Variants in DLGAP3 observed in about 807,000 individuals in gnomAD.
DLGAP3 encodes the protein disks large-associated protein 3.
Under a neutral mutation model 81.2 loss-of-function variants are expected in DLGAP3, and 17 were observed. The observed-to-expected ratio is 0.21, with a 90% CI of 0.14 to 0.31. DLGAP3 has a LOEUF of 0.31. Among genes scored for constraint, DLGAP3 ranks in the 10% least tolerant of loss-of-function variants. The pLI, the probability that DLGAP3 is intolerant of heterozygous loss-of-function variation, is 1.00. For synonymous variants in DLGAP3, 577 were observed against 587.4 expected (o/e 0.98, Z 0.26); for missense variants, 1,124 against 1,388.0 (o/e 0.81, Z 3.02).
At chr1:34,892,387 G>A (rs1639325639) in intron 5 of DLGAP3, among the ~76,000 whole-genome samples, 1 of 152,168 alleles carries the variant, frequency 6.6e-6, no homozygotes, top group South Asian at 2.1e-4. Context: ...CCATGCATGT[G>A]ATGGGAGTTC....
chr1:34,880,198 T>A (rs138892872), intron 8 of DLGAP3, among the ~76,000 whole-genome samples: 1 of 152,062 alleles, frequency 6.6e-6, no homozygotes, highest in African/African-American at 2.4e-5. Flanking sequence ...GAACTACAGA[T>A]GCATGCCACC....
chr1:34,924,449 T>C (rs564803591), intron 1 of DLGAP3, among the ~76,000 whole-genome samples: 1 of 152,322 alleles, frequency 6.6e-6, no homozygotes, highest in South Asian at 2.1e-4. Flanking sequence ...CAGGACAGGC[T>C]TGCAGAATAT....
Position 34,868,309 on chromosome 1 carries a change from C to T in DLGAP3, c.2485+296G>A, listed in dbSNP as rs1355982225. Among the ~76,000 whole-genome samples, 1 of 152,222 alleles carries T rather than the reference C, an allele frequency of 6.6e-6. No individual in the cohort carries two copies. The highest frequency in any genetic ancestry group is 1.5e-5 in the Non-Finnish European group (1 of 68,044). ...ACGGAGTTCCCTTAGTCCCCATAAA[C>T]TTGGTGATTTGGACTAGCAGCCATC... is the stretch of plus-strand genomic sequence containing the variant. On this transcript the variant is annotated intron_variant, in intron 9 of 11. Coordinates refer to ENST00000373347, the MANE Select transcript of DLGAP3 (RefSeq NM_001080418.3). The surrounding 1 kb of genome is among the most constrained non-coding windows in gnomAD (Gnocchi z 7.5).
Position 34,905,537 on chromosome 1 carries a change from T to A in DLGAP3, c.-51-103A>T, listed in dbSNP as rs1639537578. ...TATCCCTTTAGGTAATACATATCAA[T>A]TTATTATGATTAATCACACTACCCT... On this transcript the variant is annotated intron_variant, in intron 2 of 11. Coordinates refer to ENST00000373347, the MANE Select transcript of DLGAP3 (RefSeq NM_001080418.3). The A allele has an allele frequency of 7.6e-6, 6 of 789,758 alleles. No individual in the cohort carries two copies. In the South Asian group the frequency reaches 1.2e-4, roughly 16 times the overall value. 48.9% of individuals were successfully genotyped at this position (789,758 alleles called of 1,614,324 possible).
chr1:34,879,024 A>G (rs1450780972), intron 8 of DLGAP3, among the ~76,000 whole-genome samples: 3 of 151,034 alleles, frequency 2.0e-5, no homozygotes, highest in Non-Finnish European at 4.4e-5. Context: ...GTGAGCCGAG[A>G]TCGCGCCACT....
rs868535122 is a variant in DLGAP3 at position 34,881,450 on chromosome 1, A to T, written c.2000+3528T>A. Among the ~76,000 whole-genome samples the T allele has an allele frequency of 2.0e-5, 3 of 152,252 alleles. No homozygotes were observed. The Middle Eastern group carries it at 0.01, about 518-fold the overall frequency. The stretch of plus-strand genomic sequence containing the variant: ...CAGGAAGTCTTTTTAAAAAGGATGG[A>T]CTGCATCCCTCTTCCTCTTTACTCC... On this transcript the variant is annotated intron_variant, in intron 8 of 11. Transcript: ENST00000373347.
At position 34,927,542 on chromosome 1, in the gene DLGAP3, G is replaced by A. The variant is rs371261986; in HGVS notation, c.-135+1909C>T. 7.9e-5 allele frequency among the ~76,000 whole-genome samples: 12 copies of A among 152,282 alleles called. No individual in the cohort carries two copies. In the South Asian group the frequency reaches 1.7e-3, roughly 21 times the overall value. ...CCTGCCAGATCAGTGGGGCAGTGGC[G>A]GGTGGGAGATGCGGGGGCTGTATGT... On this transcript the variant is annotated intron_variant, in intron 1 of 11. Transcript: ENST00000373347.
intron 8 of DLGAP3, among the ~76,000 whole-genome samples, chr1:34,875,710 G>T (rs940268904): frequency 6.6e-6 from 1 of 152,228 alleles, no homozygotes; most frequent in African/African-American, 2.4e-5. Context: ...ATGGCCCAGA[G>T]TGTGCTGGGT....
intron 5 of DLGAP3, among the ~76,000 whole-genome samples, chr1:34,897,586 G>T (rs920350825): frequency 8.5e-5 from 13 of 152,174 alleles, no homozygotes; most frequent in African/African-American, 3.1e-4. Context: ...TGCAGGCCTC[G>T]AAAGCCATGG....
At chr1:34,916,919 G>C (rs866045078) in intron 1 of DLGAP3, among the ~76,000 whole-genome samples, 5 of 152,122 alleles carry the variant, frequency 3.3e-5, no homozygotes, top group African/African-American at 1.2e-4. Context: ...GGATGGTCTC[G>C]GTCTCCCTGA....
chr1:34,875,969 G>A (rs1350225255), intron 8 of DLGAP3, among the ~76,000 whole-genome samples: 2 of 152,250 alleles, frequency 1.3e-5, no homozygotes, highest in African/African-American at 2.4e-5. Flanking sequence ...CTCACATGCC[G>A]CTCCTTTGTG....
At chr1:34,899,035 C>T (rs1430543086) in intron 5 of DLGAP3, among the ~76,000 whole-genome samples, 1 of 151,374 alleles carries the variant, frequency 6.6e-6, no homozygotes, top group East Asian at 1.9e-4. Context: ...AGGCCCAGAT[C>T]ATGTCTGAGG....
At chr1:34,911,027 C>A (rs867622052) in intron 1 of DLGAP3, among the ~76,000 whole-genome samples, 1 of 150,232 alleles carries the variant, frequency 6.7e-6, no homozygotes, top group Non-Finnish European at 1.5e-5. Flanking sequence ...TATCCACCCC[C>A]CCCCCACCAC....
intron 2 of DLGAP3, among the ~76,000 whole-genome samples, chr1:34,906,391 C>T (rs1294700106): frequency 6.6e-6 from 1 of 152,002 alleles, no homozygotes; most frequent in Non-Finnish European, 1.5e-5. Context: ...CTGCTGTGAA[C>T]AAAGAGAACA....
In DLGAP3 at chr1:34,886,376, A is replaced by G; in HGVS notation, c.1387-91T>C. The stretch of plus-strand genomic sequence containing the variant: ...CTCTGCCTTAGGGGAAGACCTCTCT[A>G]TATCTGCAGAGGCTGTAGGCGACTC... On this transcript the variant is annotated intron_variant, in intron 5 of 11. Coordinates refer to ENST00000373347, the MANE Select transcript of DLGAP3 (RefSeq NM_001080418.3). The G allele has an allele frequency of 4.1e-6, 5 of 1,218,100 alleles. No homozygotes were observed. In the South Asian group the frequency reaches 4.6e-5, roughly 11 times the overall value. The allele number at this position is 1,218,100 out of a possible 1,614,324, so 75.5% of individuals were successfully genotyped here.
chr1:34,877,651 G>A (rs1169460814), intron 8 of DLGAP3, among the ~76,000 whole-genome samples: 5 of 152,182 alleles, frequency 3.3e-5, no homozygotes, highest in Admixed American at 1.3e-4. Flanking sequence ...AAGATGGGAG[G>A]AGAAACTTAA....
rs1394442671 is a variant in DLGAP3, at chr1:34,929,457, C to G, written c.-141G>C. On this transcript the variant is annotated 5_prime_UTR_variant, in exon 1 of 12. Coordinates refer to ENST00000373347, the MANE Select transcript of DLGAP3 (RefSeq NM_001080418.3). This position sits in a 1 kb window ranked among gnomAD's most constrained non-coding sequence, Gnocchi z 6.5. ...ACTCCTCCCCGCGGCTTACCTGGCC[C>G]GGCTCGGGCTCCGGCCGGGTTACAT... The G allele has an allele frequency of 6.7e-6, 1 of 148,202 alleles. No homozygotes were observed. Among genetic ancestry groups the G allele is most frequent in the Non-Finnish European group, 1.5e-5 (1 of 66,406 alleles). The allele number at this position is 148,202 out of a possible 1,614,324, so 9.2% of individuals were successfully genotyped here.
At chr1:34,923,747 A>G (rs1639830029) in intron 1 of DLGAP3, among the ~76,000 whole-genome samples, 1 of 152,118 alleles carries the variant, frequency 6.6e-6, no homozygotes, top group Non-Finnish European at 1.5e-5. Context: ...GCTCCTCCCA[A>G]GCAGCTAGAG....
At chr1:34,866,380 C>G in intron 11 of DLGAP3, 79 bp from the exon 12 acceptor site, 1 of 1,254,948 alleles carries the variant, frequency 8.0e-7, no homozygotes, top group Non-Finnish European at 1.1e-6. Context: ...ACCCCCGCGC[C>G]CAGAGTGCTG....
Sources: gnomAD v4.1 joint callset for allele counts (sites outside exome capture counted in the v4.1 genomes callset) on GRCh38, gnomAD v4.1.1 for gene constraint, Gnocchi (gnomAD v3.1) non-coding constraint, MANE v1.5 for transcripts, NCBI Gene and HGNC (gene_info 2026-07-23, HGNC 2026-07-21) for gene names.